The following FBXW7 variants were observed in gnomAD, a reference collection of about 807,000 sequenced individuals.
FBXW7 encodes the protein F-box and WD repeat domain containing 7.
In FBXW7, 11 loss-of-function variants were observed where a neutral mutation model predicts 86.3. The observed-to-expected ratio is 0.13, with a 90% CI of 0.08 to 0.21. The LOEUF is 0.21. Ranked by LOEUF, FBXW7 falls within the 10% of genes least tolerant of loss-of-function variation. FBXW7 has a pLI of 1.00. For synonymous variants in FBXW7, 313 were observed against 297.9 expected (o/e 1.05, Z -0.52); for missense variants, 488 against 847.4 (o/e 0.58, Z 5.27).
intron 2 of FBXW7, among the ~76,000 whole-genome samples, chr4:152,449,578 G>A (rs558580056): frequency 1.3e-5 from 2 of 152,240 alleles, no homozygotes; most frequent in Admixed American, 6.5e-5. Flanking sequence ...TGGCTATATA[G>A]GTAGGTACTG....
chr4:152,460,873 T>C (rs182873424), intron 2 of FBXW7, among the ~76,000 whole-genome samples: 22 of 152,374 alleles, frequency 1.4e-4, no homozygotes, highest in African/African-American at 3.8e-4. Flanking sequence ...TGTTCAAACA[T>C]TGTATTACCC....
intron 4 of FBXW7, among the ~76,000 whole-genome samples, chr4:152,367,266 A>AC (rs1174847849): frequency 6.6e-6 from 1 of 152,200 alleles, no homozygotes; most frequent in Non-Finnish European, 1.5e-5. Context: ...CCTAGAACTT[A>AC]AAGTATAAAA....
At position 152,471,052 on chromosome 4, in the gene FBXW7, G is replaced by A. The variant is rs1166581313; in HGVS notation, c.-119-58523C>T. 4.6e-5 allele frequency among the ~76,000 whole-genome samples: 7 copies of A among 151,830 alleles called. No homozygotes were observed. In the East Asian group the frequency reaches 1.4e-3, roughly 29 times the overall value. ...ACTAGCAGAAAATGTTGCCATACTAGAAATTATAATATCACATATAAAAAT... is the reference window on the plus strand; with the variant it reads ...ACTAGCAGAAAATGTTGCCATACTAAAAATTATAATATCACATATAAAAAT... On this transcript the variant is annotated intron_variant, in intron 2 of 13. Transcript: ENST00000281708.
chr4:152,513,452 C>T (rs542369591), intron 2 of FBXW7, among the ~76,000 whole-genome samples: 2 of 151,902 alleles, frequency 1.3e-5, no homozygotes, highest in South Asian at 4.2e-4. Context: ...GAGGATACAG[C>T]CCGAGAAAAA....
At chr4:152,403,610 C>T (rs935259393) in intron 4 of FBXW7, among the ~76,000 whole-genome samples, 2 of 152,000 alleles carry the variant, frequency 1.3e-5, no homozygotes, top group Non-Finnish European at 2.9e-5. Context: ...GAAACTGTTC[C>T]ACCTCAGCTC....
chr4:152,527,294 A>C (rs1579439579), intron 2 of FBXW7, among the ~76,000 whole-genome samples: 1 of 152,266 alleles, frequency 6.6e-6, no homozygotes. Flanking sequence ...TACGTAAATG[A>C]GAAGTAAACT....
chr4:152,362,590 C>T (rs1578995180), intron 4 of FBXW7, among the ~76,000 whole-genome samples: 1 of 151,896 alleles, frequency 6.6e-6, no homozygotes, highest in Non-Finnish European at 1.5e-5. Flanking sequence ...GCAGGTGGAT[C>T]ATAAGGTCAC....
Position 152,324,256 on chromosome 4 carries a change from C to G in FBXW7, c.1783G>C (p.Val595Leu), listed in dbSNP as rs2126477047. ...ACTGTAGAATCTGCATTCCCAGAGA[C>G]AAGAATATTGTCTTTGAGTTCCATT... ...SGMELKDNIL[V>L]SGNADSTVKI... Residue 595 changes from valine to leucine, a missense_variant, in exon 13 of 14, where the codon GTC becomes CTC. Val to Leu is a conservative substitution (Grantham distance 32, BLOSUM62 1). Coordinates refer to ENST00000281708, the MANE Select transcript of FBXW7 (RefSeq NM_001349798.2). 1 of 1,613,092 alleles carries G rather than the reference C, an allele frequency of 6.2e-7. No homozygotes were observed. The highest frequency in any genetic ancestry group is 8.5e-7 in the Non-Finnish European group (1 of 1,179,468).
At chr4:152,447,846 C>T (rs1014773188) in intron 2 of FBXW7, among the ~76,000 whole-genome samples, 2 of 152,128 alleles carry the variant, frequency 1.3e-5, no homozygotes, top group Non-Finnish European at 1.5e-5. Context: ...ATGAAATCTA[C>T]GAATGTGAGG....
chr4:152,434,505 G>C (rs533906661), intron 2 of FBXW7, among the ~76,000 whole-genome samples: 1 of 152,126 alleles, frequency 6.6e-6, no homozygotes, highest in Admixed American at 6.5e-5. Flanking sequence ...TTTACCCCCT[G>C]TCCTAATAAT....
intron 2 of FBXW7, among the ~76,000 whole-genome samples, chr4:152,467,725 T>G (rs1743588237): frequency 6.6e-6 from 1 of 152,148 alleles, no homozygotes; most frequent in South Asian, 2.1e-4. Flanking sequence ...CGATTAAAAC[T>G]TTGTCATAGA....
intron 2 of FBXW7, among the ~76,000 whole-genome samples, chr4:152,502,859 C>T (rs988335240): frequency 9.2e-5 from 14 of 152,120 alleles, no homozygotes; most frequent in African/African-American, 3.4e-4. Flanking sequence ...TCAACAAATA[C>T]ACAGTGAATT....
At position 152,445,156 on chromosome 4, in the gene FBXW7, A is replaced by AAT. The variant is rs1187994227; in HGVS notation, c.-119-32629_-119-32628dup. On this transcript the variant is annotated intron_variant, in intron 2 of 13. Transcript: ENST00000281708. ...CCACACTTTGGAAAACATTACTCCA[A>AAT]ATAGTACAAATATGCTTTATATGAA... Among the ~76,000 whole-genome samples the AAT allele has an allele frequency of 2.0e-5, 3 of 152,208 alleles. No homozygotes were observed. The East Asian group carries it at 5.8e-4, about 29-fold the overall frequency.
chr4:152,494,232 T>G (rs1746109740), intron 2 of FBXW7, among the ~76,000 whole-genome samples: 1 of 152,048 alleles, frequency 6.6e-6, no homozygotes, highest in Non-Finnish European at 1.5e-5. Flanking sequence ...ATTTTAACAT[T>G]AAGAAGAAAG....
chr4:152,413,334 T>C (rs1415292021), intron 2 of FBXW7, among the ~76,000 whole-genome samples: 1 of 152,116 alleles, frequency 6.6e-6, no homozygotes, highest in African/African-American at 2.4e-5. Context: ...AAATAAAATC[T>C]GATGGCTAAC....
chr4:152,411,764 G>A lies in FBXW7; in HGVS notation c.40C>T (p.Arg14Ter), dbSNP rs1362274408. 1 of 1,612,784 alleles carries A rather than the reference G, an allele frequency of 6.2e-7. No individual in the cohort carries two copies. The highest frequency in any genetic ancestry group is 8.5e-7 in the Non-Finnish European group (1 of 1,179,358). Residue 14 changes from arginine (R) to a stop codon, truncating the protein, a stop_gained, in exon 4 of 14, where the codon CGA (arginine) becomes TGA (stop). Coordinates refer to ENST00000281708, the MANE Select transcript of FBXW7 (RefSeq NM_001349798.2). LOFTEE classifies it high-confidence loss of function. The part of the protein sequence containing the change: ...ELLSVGSKRR[R>*]TGGSLRGNPS... ...TTACCTCTCAGAGAGCCTCCAGTTCGTCGTCTTTTGCTGCCCACAGAGAGC... is the reference window on the plus strand; with the variant it reads ...TTACCTCTCAGAGAGCCTCCAGTTCATCGTCTTTTGCTGCCCACAGAGAGC...
intron 4 of FBXW7, among the ~76,000 whole-genome samples, chr4:152,368,277 T>C (rs1038762988): frequency 3.3e-5 from 5 of 152,044 alleles, no homozygotes; most frequent in South Asian, 2.1e-4. Context: ...AAAGCTAATA[T>C]GAAAACAGCA....
intron 2 of FBXW7, among the ~76,000 whole-genome samples, chr4:152,448,764 C>T (rs535934900): frequency 3.2e-4 from 48 of 152,258 alleles, no homozygotes; most frequent in African/African-American, 1.1e-3. Flanking sequence ...ACAAACTCAT[C>T]GCCAAGAAAA....
intron 6 of FBXW7, among the ~76,000 whole-genome samples, chr4:152,340,677 G>A (rs531866938): frequency 7.0e-4 from 105 of 150,160 alleles, no homozygotes; most frequent in Non-Finnish European, 1.2e-3. Flanking sequence ...CTGTCCTATC[G>A]TTTAAAATCA....
Sources: gnomAD v4.1 joint callset for allele counts (sites outside exome capture counted in the v4.1 genomes callset) on GRCh38, gnomAD v4.1.1 for gene constraint, MANE v1.5 for transcripts, NCBI Gene and HGNC (gene_info 2026-07-23, HGNC 2026-07-21) for gene names.